ACOT12: variants seen among roughly 807,000 people sequenced by gnomAD.
ACOT12 encodes the protein acyl-CoA thioesterase 12, also known as acetyl-coenzyme A thioesterase.
A neutral mutation model predicts 67.7 loss-of-function variants in ACOT12; 51 were observed. The observed-to-expected ratio is 0.75, with a 90% CI of 0.60 to 0.95. The LOEUF (loss-of-function observed/expected upper bound fraction) is 0.95. ACOT12 is among the 40% of genes least tolerant of loss of function. The pLI, the probability that ACOT12 is intolerant of heterozygous loss-of-function variation, is 0.00. For missense variants in ACOT12, 734 were observed against 708.1 expected (o/e 1.04, Z -0.41); for synonymous variants, 251 against 244.6 (o/e 1.03, Z -0.24).
chr5:81,324,723 A>C, the ACOT12 span, among the ~76,000 whole-genome samples: 1 of 152,226 alleles, frequency 6.6e-6, no homozygotes, highest in Non-Finnish European at 1.5e-5. Flanking sequence ...AGAGTGTGAC[A>C]TCATGGAAGT....
intron 12 of ACOT12, 80 bp from the exon 13 acceptor site, chr5:81,332,685 T>C: frequency 1.3e-6 from 2 of 1,537,554 alleles, no homozygotes; most frequent in South Asian, 2.3e-5. Flanking sequence ...TTACATAATC[T>C]CATTATTTGT....
rs1401254197 is a variant in ACOT12, at chr5:81,330,877, G to A, written c.1455C>T (p.Tyr485=). 2 of 1,613,868 alleles carry A rather than the reference G, an allele frequency of 1.2e-6. No homozygotes were observed. The highest frequency in any genetic ancestry group is 1.7e-6 in the Non-Finnish European group (2 of 1,179,916). ...ILPSVPPSPQ[Y]IRSEIICAGF... ...CGGCACATATGATTTCACTTCTGAT[G>A]TACTGTGGAGACGGGGGGACCGATG... is the stretch of plus-strand genomic sequence containing the variant. Residue 485 remains tyrosine (Y), a synonymous_variant, in exon 14 of 15, where the codon TAC becomes TAT. Transcript: ENST00000307624.
Position 81,330,229 on chromosome 5 carries a change from C to T in ACOT12, c.*165G>A, listed in dbSNP as rs1758769955. 5.9e-6 allele frequency: 4 copies of T among 676,624 alleles called. No homozygotes were observed. The highest frequency in any genetic ancestry group is 9.3e-6 in the Non-Finnish European group (4 of 429,702). 41.9% of individuals were successfully genotyped at this position (676,624 alleles called of 1,614,324 possible). A position where few individuals can be genotyped will look rare whatever the true frequency, so the allele number is the denominator to read the frequency against. ...GCTCTTTTAATGCTAATCCAAATCA[C>T]TGGTATTTGACTTAAGATGCATTTT... On this transcript the variant is annotated 3_prime_UTR_variant, in exon 15 of 15. Coordinates refer to ENST00000307624, the MANE Select transcript of ACOT12 (RefSeq NM_130767.3).
intron 3 of ACOT12, among the ~76,000 whole-genome samples, chr5:81,365,460 T>C (rs1234423357): frequency 2.6e-5 from 4 of 151,996 alleles, no homozygotes; most frequent in African/African-American, 7.3e-5. Flanking sequence ...AATGGACAAA[T>C]GAAAAATAAA....
Position 81,330,492 on chromosome 5 carries a change from T to C in ACOT12, c.1570A>G (p.Asn524Asp), listed in dbSNP as rs760600444. Residue 524 changes from asparagine (N) to aspartate (D), a missense_variant, in exon 15 of 15, where the codon AAT becomes GAT. Transcript: ENST00000307624. The part of the protein sequence containing the change: ...SASILPYFAG[N>D]LGGWSKSIEE... ...ATGGATTTTGACCAGCCACCAAGAT[T>C]TCCAGCAAAGTAAGGAAGGATGCTA... The C allele has an allele frequency of 6.8e-6, 11 of 1,614,136 alleles. No homozygotes were observed. The highest frequency in any genetic ancestry group is 9.3e-6 in the Non-Finnish European group (11 of 1,179,984).
intron 3 of ACOT12, among the ~76,000 whole-genome samples, chr5:81,370,071 A>G (rs556421766): frequency 3.3e-5 from 5 of 152,324 alleles, no homozygotes; most frequent in African/African-American, 1.2e-4. Flanking sequence ...TCATGAGGTC[A>G]GAAGATTGAG....
the ACOT12 span, chr5:81,309,131 T>G: frequency 1.0e-6 from 1 of 968,452 alleles, no homozygotes; most frequent in Non-Finnish European, 1.5e-6. Flanking sequence ...AATAAATTCT[T>G]GAATAAATTG....
intron 2 of ACOT12, among the ~76,000 whole-genome samples, chr5:81,383,504 G>A (rs1296171511): frequency 6.6e-6 from 1 of 152,190 alleles, no homozygotes; most frequent in Middle Eastern, 3.4e-3. Context: ...AAATGACCAG[G>A]TTTCTTTAAA....
intron 3 of ACOT12, among the ~76,000 whole-genome samples, chr5:81,365,450 A>T (rs943196695): frequency 3.3e-5 from 5 of 152,220 alleles, no homozygotes; most frequent in Non-Finnish European, 5.9e-5. Flanking sequence ...CTTTTAGAGA[A>T]ATGGACAAAT....
chr5:81,348,288 A>T lies in ACOT12; in HGVS notation c.497-358T>A, dbSNP rs560632741. Among the ~76,000 whole-genome samples, 29 of 152,300 alleles carry T rather than the reference A, an allele frequency of 1.9e-4. No homozygotes were observed. In the South Asian group the frequency reaches 6.0e-3, roughly 32 times the overall value. On this transcript the variant is annotated intron_variant, in intron 5 of 14. Coordinates refer to ENST00000307624, the MANE Select transcript of ACOT12 (RefSeq NM_130767.3). ...GGGGCAGAAATGTTGGGGGTGATGGATATGTCATTATCTTGATTGTGGTGA... is the reference window on the plus strand; with the variant it reads ...GGGGCAGAAATGTTGGGGGTGATGGTTATGTCATTATCTTGATTGTGGTGA...
chr5:81,337,757 T>C (rs1759049439), intron 11 of ACOT12, among the ~76,000 whole-genome samples: 1 of 152,172 alleles, frequency 6.6e-6, no homozygotes, highest in Non-Finnish European at 1.5e-5. Flanking sequence ...TCCAGAATTG[T>C]GAGACAATAG....
chr5:81,377,886 A>C (rs979724168), intron 2 of ACOT12, among the ~76,000 whole-genome samples: 14 of 152,248 alleles, frequency 9.2e-5, no homozygotes, highest in Non-Finnish European at 1.8e-4. Flanking sequence ...AGGAAGAATC[A>C]GTATCATGAA....
intron 2 of ACOT12, among the ~76,000 whole-genome samples, chr5:81,372,896 A>T (rs1486548888): frequency 6.6e-6 from 1 of 152,216 alleles, no homozygotes; most frequent in Non-Finnish European, 1.5e-5. Context: ...GGATGCTGGG[A>T]TGTAAATAGA....
At chr5:81,318,928 G>T in the ACOT12 span, among the ~76,000 whole-genome samples, 7 of 152,182 alleles carry the variant, frequency 4.6e-5, no homozygotes, top group African/African-American at 1.2e-4. Flanking sequence ...ATGTTTGTTG[G>T]GGGAGAGCTC....
At chr5:81,388,126 A>G (rs556680633) in intron 1 of ACOT12, among the ~76,000 whole-genome samples, 15 of 152,310 alleles carry the variant, frequency 9.8e-5, no homozygotes, top group African/African-American at 3.6e-4. Flanking sequence ...GAAAGATTAA[A>G]TGCATTGTTC....
the ACOT12 span, among the ~76,000 whole-genome samples, chr5:81,309,861 C>A: frequency 1.3e-5 from 2 of 152,188 alleles, no homozygotes; most frequent in South Asian, 2.1e-4. Context: ...ATGTATCTTA[C>A]CGTTGGTGGG....
chr5:81,388,924 C>T (rs980682840), intron 1 of ACOT12, among the ~76,000 whole-genome samples: 8 of 152,122 alleles, frequency 5.3e-5, no homozygotes, highest in African/African-American at 1.7e-4. Context: ...CTCCTGCCAC[C>T]GCCATATAAG....
chr5:81,385,938 C>T, intron 1 of ACOT12, 112 bp from the exon 2 acceptor site: 1 of 905,464 alleles, frequency 1.1e-6, no homozygotes. Flanking sequence ...ATCCCTCATT[C>T]ATTATAGCAC....
chr5:81,375,616 A>AAAACACTCCTCAGCAAATGCAAAAGAAC (rs1333911466), intron 2 of ACOT12, among the ~76,000 whole-genome samples: 1 of 152,090 alleles, frequency 6.6e-6, no homozygotes, highest in Non-Finnish European at 1.5e-5. Flanking sequence ...AGACATACAT[A>AAAACACTCCTCAGCAAATGCAAAAGAAC]GGCTCAAAAT....
Sources: gnomAD v4.1 joint callset for allele counts (sites outside exome capture counted in the v4.1 genomes callset) on GRCh38, gnomAD v4.1.1 for gene constraint, MANE v1.5 for transcripts, NCBI Gene and HGNC (gene_info 2026-07-23, HGNC 2026-07-21) for gene names.